Variants in CADPS observed in about 807,000 individuals in gnomAD.
The protein encoded by CADPS is calcium-dependent secretion activator 1.
In CADPS, 57 loss-of-function variants were observed where a neutral mutation model predicts 167.3. The observed-to-expected ratio is 0.34, with a 90% CI of 0.28 to 0.42. The LOEUF (loss-of-function observed/expected upper bound fraction) is 0.42. CADPS is among the 20% of genes least tolerant of loss of function. CADPS has a pLI of 1.00. For synonymous variants in CADPS, 676 were observed against 635.3 expected, an observed-to-expected ratio of 1.06 and a Z score of -0.96; for missense variants, 1,414 against 1,738.1, an observed-to-expected ratio of 0.81 and a Z score of 3.32.
At chr3:62,481,687 A>G in intron 22 of CADPS, 36 bp downstream of exon 22, 1 of 1,537,320 alleles carries the variant, frequency 6.5e-7, no homozygotes, top group South Asian at 1.3e-5. Flanking sequence ...AGATCACTTA[A>G]ATTTAAATGA....
chr3:62,613,536 G>A (rs1412022481), intron 6 of CADPS, among the ~76,000 whole-genome samples: 2 of 152,170 alleles, frequency 1.3e-5, no homozygotes, highest in Non-Finnish European at 1.5e-5. Context: ...AGGGGCCACA[G>A]CACATAATAT....
At chr3:62,649,541 G>GTTTT (rs1212818484) in intron 5 of CADPS, among the ~76,000 whole-genome samples, 6 of 74,998 alleles carry the variant, frequency 8.0e-5, no homozygotes, top group East Asian at 4.3e-4. Flanking sequence ...ACAATATGTG[G>GTTTT]TCTTTTTTTT....
intron 1 of CADPS, among the ~76,000 whole-genome samples, chr3:62,774,253 A>C (rs1207893441): frequency 6.6e-6 from 1 of 152,130 alleles, no homozygotes; most frequent in East Asian, 1.9e-4. Context: ...GTTCTTTAGT[A>C]GGACAAATGT....
intron 23 of CADPS, 112 bp from the exon 24 acceptor site, chr3:62,474,432 A>T (rs2061010078): frequency 3.1e-6 from 3 of 955,660 alleles, no homozygotes; most frequent in South Asian, 3.0e-5. Context: ...AATCAGTTTC[A>T]GTCAACAATG....
At chr3:62,790,923 C>T (rs759842399) in intron 1 of CADPS, among the ~76,000 whole-genome samples, 16 of 151,444 alleles carry the variant, frequency 1.1e-4, no homozygotes, top group Admixed American at 9.9e-4. Context: ...CTTTTGTTAC[C>T]GTCATGATAA....
intron 3 of CADPS, among the ~76,000 whole-genome samples, chr3:62,751,606 A>G (rs1337213921): frequency 1.3e-5 from 2 of 152,038 alleles, no homozygotes; most frequent in Non-Finnish European, 2.9e-5. Flanking sequence ...TATTTTTAGT[A>G]GAGACAGTTT....
intron 1 of CADPS, among the ~76,000 whole-genome samples, chr3:62,794,717 G>A (rs304169): frequency 0.036 from 5,282 of 148,404 alleles, 314 homozygotes; most frequent in African/African-American, 0.13. Flanking sequence ...AGGGCCCCGC[G>A]GATACGTTTC....
chr3:62,559,092 G>C (rs113370084), intron 9 of CADPS, among the ~76,000 whole-genome samples: 4 of 152,254 alleles, frequency 2.6e-5, no homozygotes, highest in African/African-American at 7.2e-5. Flanking sequence ...TACATACCAT[G>C]TGTGATACCC....
rs183655609 is a variant in CADPS, at chr3:62,813,288, T to C, written c.442-47304A>G. On this transcript the variant is annotated intron_variant, in intron 1 of 29. Transcript: ENST00000383710. ...AGACACATAATCCAGTAGAACAGAA[T>C]AGAGGACCCAGAAATAAAGCCACAC... Among the ~76,000 whole-genome samples, 9 of 151,956 alleles carry C rather than the reference T, an allele frequency of 5.9e-5. No homozygotes were observed. In the East Asian group the frequency reaches 9.7e-4, roughly 16 times the overall value.
intron 3 of CADPS, among the ~76,000 whole-genome samples, chr3:62,717,577 A>C (rs189401667): frequency 2.0e-5 from 3 of 152,184 alleles, no homozygotes; most frequent in African/African-American, 7.2e-5. Flanking sequence ...CTCACATTCC[A>C]TATCTAGTTG....
intron 3 of CADPS, among the ~76,000 whole-genome samples, chr3:62,689,799 G>C (rs2078761367): frequency 6.6e-6 from 1 of 152,012 alleles, no homozygotes; most frequent in Non-Finnish European, 1.5e-5. Context: ...AAGTGGAAAA[G>C]CTTCTAGAAA....
chr3:62,690,011 A>G lies in CADPS; in HGVS notation c.889-27617T>C, dbSNP rs576698467. ...AGGAGTAATAAGCATTTTAGCTAGG[A>G]GAGGTACTGATTCTTCTCTGGACTA... On this transcript the variant is annotated intron_variant, in intron 3 of 29. Coordinates refer to ENST00000383710, the MANE Select transcript of CADPS (RefSeq NM_003716.4). Among the ~76,000 whole-genome samples the G allele has an allele frequency of 2.6e-5, 4 of 152,138 alleles. No homozygotes were observed. In the East Asian group the frequency reaches 7.8e-4, roughly 30 times the overall value.
At chr3:62,783,932 A>G (rs544248383) in intron 1 of CADPS, among the ~76,000 whole-genome samples, 1 of 152,356 alleles carries the variant, frequency 6.6e-6, no homozygotes, top group South Asian at 2.1e-4. Flanking sequence ...GCACACTTAC[A>G]TTACAAAAAT....
chr3:62,567,907 T>G (rs1477102785), intron 9 of CADPS, among the ~76,000 whole-genome samples: 1 of 152,124 alleles, frequency 6.6e-6, no homozygotes, highest in Admixed American at 6.6e-5. Context: ...TGTCTTCCCA[T>G]TTACATTGTA....
intron 26 of CADPS, among the ~76,000 whole-genome samples, chr3:62,453,993 G>C (rs1330470405): frequency 6.6e-6 from 1 of 152,042 alleles, no homozygotes; most frequent in Admixed American, 6.5e-5. Flanking sequence ...TACAGAGGTG[G>C]GAACTGTGAC....
chr3:62,402,403 A>G (rs933691044), intron 29 of CADPS, among the ~76,000 whole-genome samples: 2 of 152,222 alleles, frequency 1.3e-5, no homozygotes, highest in East Asian at 3.8e-4. Context: ...TGAAGCATCA[A>G]ATAGAAACTG....
At chr3:62,532,215 G>C (rs532754150) in intron 13 of CADPS, among the ~76,000 whole-genome samples, 1 of 152,258 alleles carries the variant, frequency 6.6e-6, no homozygotes, top group East Asian at 1.9e-4. Flanking sequence ...CACTTCCTCA[G>C]GGAGGTCCTC....
chr3:62,670,595 T>C (rs1022461598), intron 3 of CADPS, among the ~76,000 whole-genome samples: 2 of 152,154 alleles, frequency 1.3e-5, no homozygotes, highest in African/African-American at 2.4e-5. Context: ...ACCAGTTTTA[T>C]GTCTTTGCTG....
At chr3:62,491,558 A>AACACACACACACACACAAACAC (rs1553815532) in intron 20 of CADPS, 78 bp from the exon 21 acceptor site, 2 of 526,740 alleles carry the variant, frequency 3.8e-6, no homozygotes, top group Admixed American at 6.5e-5. Flanking sequence ...CACACACACA[A>AACACACACACACACACAAACAC]ACACACACAC....
Sources: gnomAD v4.1 joint callset for allele counts (sites outside exome capture counted in the v4.1 genomes callset) on GRCh38, gnomAD v4.1.1 for gene constraint, MANE v1.5 for transcripts, NCBI Gene and HGNC (gene_info 2026-07-23, HGNC 2026-07-21) for gene names.